Variants in PCLO observed in about 807,000 individuals in gnomAD.
PCLO encodes the protein piccolo presynaptic cytomatrix protein, also known as protein piccolo.
PCLO carries 82 observed loss-of-function variants against 427.5 expected under a neutral mutation model. The observed-to-expected ratio is 0.19, with a 90% CI of 0.16 to 0.23. The LOEUF (loss-of-function observed/expected upper bound fraction) is 0.23. PCLO is among the 10% of genes least tolerant of loss of function. The pLI, the probability that PCLO is intolerant of heterozygous loss-of-function variation, is 1.00. For synonymous variants in PCLO, 2,357 were observed against 2,155.4 expected (o/e 1.09, Z -2.59); for missense variants, 6,239 against 6,115.9 (o/e 1.02, Z -0.67).
At chr7:83,018,107 T>C (rs543377048) in intron 3 of PCLO, 1 of 152,108 alleles carries the variant, frequency 6.6e-6, no homozygotes, top group East Asian at 1.9e-4. Context: ...ATACAAATAA[T>C]TCCTTATAGA....
intron 24 of PCLO, among the ~76,000 whole-genome samples, chr7:82,759,467 T>A (rs1049658172): frequency 6.6e-6 from 1 of 151,918 alleles, no homozygotes; most frequent in African/African-American, 2.4e-5. Flanking sequence ...TCAAGTGACA[T>A]TGTATATTTT....
chr7:82,837,343 G>A (rs1027027422), intron 15 of PCLO, among the ~76,000 whole-genome samples: 11 of 151,776 alleles, frequency 7.2e-5, no homozygotes, highest in African/African-American at 2.7e-4. Context: ...CAAGTTAAAA[G>A]GAAAATTCAA....
In PCLO at chr7:82,953,443, C is replaced by T. The variant is rs1161346667; in HGVS notation, c.7510G>A (p.Glu2504Lys). Residue 2504 changes from glutamate to lysine, a missense_variant, in exon 5 of 25, where the codon GAG becomes AAG. Transcript: ENST00000333891. ...GGGGCGATTGGAGGTTTGCTTGGCT[C>T]AGGCCTGTGGGTAAATACAAGTCCA... ...PSGLVFTHRP[E>K]PSKPPIAPKP... The T allele has an allele frequency of 3.7e-6, 6 of 1,613,408 alleles. No homozygotes were observed. Among genetic ancestry groups the T allele is most frequent in the Non-Finnish European group, 5.1e-6 (6 of 1,179,784 alleles).
intron 7 of PCLO, among the ~76,000 whole-genome samples, chr7:82,909,614 A>G (rs1040012874): frequency 1.2e-4 from 18 of 152,140 alleles, no homozygotes; most frequent in African/African-American, 4.3e-4. Flanking sequence ...CCCAGTGCCA[A>G]TAAGTTGTTG....
At chr7:83,058,104 G>C (rs2116301452) in intron 3 of PCLO, among the ~76,000 whole-genome samples, 1 of 152,242 alleles carries the variant, frequency 6.6e-6, no homozygotes, top group Admixed American at 6.5e-5. Context: ...TAAGGCTCAG[G>C]CCTATTTCAT....
chr7:83,084,754 A>T (rs905486958), intron 3 of PCLO, among the ~76,000 whole-genome samples: 3 of 152,158 alleles, frequency 2.0e-5, no homozygotes, highest in Non-Finnish European at 2.9e-5. Context: ...ATTTGTACAC[A>T]TCTTCTTCTT....
chr7:82,984,327 A>T (rs975473619), intron 3 of PCLO, among the ~76,000 whole-genome samples: 1 of 151,550 alleles, frequency 6.6e-6, no homozygotes, highest in Non-Finnish European at 1.5e-5. Context: ...TATTATCTTG[A>T]ATTATTACAA....
At chr7:83,042,357 G>C (rs1327423363) in intron 3 of PCLO, among the ~76,000 whole-genome samples, 2 of 152,008 alleles carry the variant, frequency 1.3e-5, no homozygotes, top group African/African-American at 2.4e-5. Flanking sequence ...TTTCTTGAAA[G>C]CTATAACCTA....
At chr7:83,059,357 A>AATATATATATATATATATATATAT (rs752009069) in intron 3 of PCLO, among the ~76,000 whole-genome samples, 7 of 111,808 alleles carry the variant, frequency 6.3e-5, no homozygotes, top group Non-Finnish European at 1.2e-4. Flanking sequence ...ACACCTTTAA[A>AATATATATATATATATATATATAT]ATATATATAT....
intron 3 of PCLO, among the ~76,000 whole-genome samples, chr7:83,052,112 A>G (rs1488276539): frequency 6.6e-6 from 1 of 152,090 alleles, no homozygotes; most frequent in Non-Finnish European, 1.5e-5. Flanking sequence ...GAAAATCTAG[A>G]TATTTGGTTT....
intron 3 of PCLO, among the ~76,000 whole-genome samples, chr7:83,092,491 C>A (rs538045448): frequency 3.9e-4 from 60 of 152,152 alleles, no homozygotes; most frequent in African/African-American, 1.4e-3. Context: ...GGGGCCAGTC[C>A]AAGAAGTGTA....
chr7:83,010,790 T>C (rs1305430196), intron 3 of PCLO, among the ~76,000 whole-genome samples: 1 of 151,822 alleles, frequency 6.6e-6, no homozygotes, highest in East Asian at 1.9e-4. Flanking sequence ...AATACATAAA[T>C]GTCCCTCCTC....
chr7:82,791,658 A>G (rs764621545), intron 22 of PCLO, among the ~76,000 whole-genome samples: 16 of 152,210 alleles, frequency 1.1e-4, no homozygotes, highest in Non-Finnish European at 2.1e-4. Context: ...TCTCGTGTCC[A>G]TAGTACTTTC....
rs554023491 is a variant in PCLO, at chr7:82,951,017, A to T, written c.9571T>A (p.Phe3191Ile). ...VPTLTTASEV[F>I]PEVVGDESAL... is the part of the protein sequence containing the mutation. ...CTTTCATCTCCCACCACTTCAGGAA[A>T]CACTTCGGATGCTGTGGTTAAAGTG... Residue 3191 changes from phenylalanine to isoleucine, a missense_variant, in exon 6 of 25, where the codon TTT becomes ATT. This residue lies in a region of PCLO where 4,677 missense variants were observed against 4,468.4 expected (regional missense o/e 1.05). Coordinates refer to ENST00000333891, the MANE Select transcript of PCLO (RefSeq NM_033026.6). 1.5e-5 allele frequency: 25 copies of T among 1,613,702 alleles called. 1 individual carries two copies. In the Admixed American group the frequency reaches 4.0e-4, roughly 26 times the overall value.
rs1407150126 is a variant in PCLO at position 82,757,436 on chromosome 7, A to C, written c.*1139T>G. On this transcript the variant is annotated 3_prime_UTR_variant, in exon 25 of 25. Transcript: ENST00000333891. ...CACTAAAGTAAGAAAATAGAGCACTAGAGAGAACTCGAGTTTAGTGTCATG... is the reference window on the plus strand; with the variant it reads ...CACTAAAGTAAGAAAATAGAGCACTCGAGAGAACTCGAGTTTAGTGTCATG... The C allele has an allele frequency of 6.6e-6, 1 of 152,022 alleles. No homozygotes were observed. The highest frequency in any genetic ancestry group is 1.5e-5 in the Non-Finnish European group (1 of 67,934). 9.4% of individuals were successfully genotyped at this position (152,022 alleles called of 1,614,324 possible). A position where few individuals can be genotyped will look rare whatever the true frequency, so the allele number is the denominator to read the frequency against.
At position 82,966,240 on chromosome 7, in the gene PCLO, T is replaced by C; in HGVS notation, c.3548A>G (p.Glu1183Gly). 1 of 1,611,108 alleles carries C rather than the reference T, an allele frequency of 6.2e-7. No homozygotes were observed. The highest frequency in any genetic ancestry group is 1.7e-5 in the Admixed American group (1 of 59,228). ...LEKVKETLSM[E>G]KIPPMVTTDQ... The stretch of plus-strand genomic sequence containing the variant: ...TGTGGTTACCATAGGAGGAATTTTT[T>C]CCATTGATAGTGTTTCCTTTACTTT... The change falls in exon 4 of 25, where the codon GAA (glutamate) becomes GGA (glycine). Residue 1183 changes from glutamate (E) to glycine (G), a missense_variant. Physicochemically the swap from Glu to Gly is moderately conservative, Grantham distance 98 (BLOSUM62 -2). Coordinates refer to ENST00000333891, the MANE Select transcript of PCLO (RefSeq NM_033026.6).
chr7:82,998,385 C>A (rs111552223), intron 3 of PCLO, among the ~76,000 whole-genome samples: 8,481 of 136,440 alleles, frequency 0.062, 352 homozygotes, highest in South Asian at 0.11. Context: ...AAGGTCTGTC[C>A]TTTAAAAACA....
chr7:83,134,412 G>A lies in PCLO; in HGVS notation c.3138C>T (p.Pro1046=). The A allele has an allele frequency of 1.2e-6, 2 of 1,613,758 alleles. No homozygotes were observed. Among genetic ancestry groups the A allele is most frequent in the Non-Finnish European group, 1.7e-6 (2 of 1,179,854 alleles). ...LTAEPQKAVL[P]TKLEKSPKPE... The stretch of plus-strand genomic sequence containing the variant: ...GTTTGGGCGATTTCTCCAGTTTTGT[G>A]GGAAGGACAGCCTTTTGAGGCTCAG... The change falls in exon 3 of 25, where the codon CCC becomes CCT. Residue 1046 remains proline, a synonymous_variant. Coordinates refer to ENST00000333891, the MANE Select transcript of PCLO (RefSeq NM_033026.6).
intron 3 of PCLO, among the ~76,000 whole-genome samples, chr7:83,031,291 A>T (rs1386718531): frequency 1.3e-5 from 2 of 152,226 alleles, no homozygotes; most frequent in African/African-American, 4.8e-5. Context: ...CCACACTATT[A>T]GAAATAGGCA....
Sources: allele counts gnomAD v4.1 joint callset (sites outside exome capture counted in the v4.1 genomes callset), GRCh38; gene constraint gnomAD v4.1.1; regional missense constraint gnomAD v4.1.1; transcripts MANE v1.5; gene names NCBI Gene and HGNC (gene_info 2026-07-23, HGNC 2026-07-21).